PRKCB: variants seen among roughly 807,000 people sequenced by gnomAD.
PRKCB encodes protein kinase C beta, also known as protein kinase C beta type.
A neutral mutation model predicts 81.5 loss-of-function variants in PRKCB; 13 were observed. The observed-to-expected ratio is 0.16, with a 90% CI of 0.10 to 0.25. The LOEUF is 0.25. Ranked by LOEUF, PRKCB falls within the 10% of genes least tolerant of loss-of-function variation. The pLI is 1.00. For missense variants in PRKCB, 509 were observed against 875.7 expected (o/e 0.58, Z 5.29); for synonymous variants, 335 against 321.4 (o/e 1.04, Z -0.45).
chr16:24,147,165 G>C (rs1207256474), intron 9 of PRKCB, among the ~76,000 whole-genome samples: 1 of 151,892 alleles, frequency 6.6e-6, no homozygotes, highest in Admixed American at 6.6e-5. Context: ...AAAATTAGCC[G>C]GGCATCGTGG....
intron 2 of PRKCB, among the ~76,000 whole-genome samples, chr16:23,867,588 T>C (rs565142051): frequency 1.3e-5 from 2 of 152,388 alleles, no homozygotes; most frequent in East Asian, 3.9e-4. Flanking sequence ...TTGTTTGTGT[T>C]TGTGTTGTCT....
intron 3 of PRKCB, among the ~76,000 whole-genome samples, chr16:23,989,609 A>C (rs1203226651): frequency 6.6e-6 from 1 of 152,248 alleles, no homozygotes; most frequent in Non-Finnish European, 1.5e-5. Flanking sequence ...AGAATTTCCT[A>C]CCTAAGTAAA....
At chr16:23,974,012 T>A (rs1344205507) in intron 2 of PRKCB, among the ~76,000 whole-genome samples, 1 of 152,180 alleles carries the variant, frequency 6.6e-6, no homozygotes, top group Non-Finnish European at 1.5e-5. Flanking sequence ...TGATAGGAGT[T>A]AAACAAGAAT....
At chr16:23,879,128 A>C (rs1040762557) in intron 2 of PRKCB, among the ~76,000 whole-genome samples, 2 of 151,996 alleles carry the variant, frequency 1.3e-5, no homozygotes, top group African/African-American at 4.8e-5. Flanking sequence ...CAGTGAGCTG[A>C]GAGCGTGTCA....
intron 2 of PRKCB, among the ~76,000 whole-genome samples, chr16:23,840,582 G>A (rs535091917): frequency 1.3e-5 from 2 of 152,290 alleles, no homozygotes; most frequent in South Asian, 2.1e-4. Flanking sequence ...ATTTCAGGCA[G>A]CCACTATTTA....
chr16:24,168,407 C>T (rs371848288), intron 10 of PRKCB, among the ~76,000 whole-genome samples: 2 of 152,142 alleles, frequency 1.3e-5, no homozygotes, highest in East Asian at 1.9e-4. Context: ...TCACCTTTTA[C>T]GTTGTGACTC....
At chr16:24,162,713 C>T (rs894843042) in intron 10 of PRKCB, among the ~76,000 whole-genome samples, 4 of 152,020 alleles carry the variant, frequency 2.6e-5, no homozygotes, top group African/African-American at 9.7e-5. Context: ...CTCAGCCTCC[C>T]AAAGTGTTGG....
chr16:24,175,699 C>G (rs1967518569), intron 12 of PRKCB, among the ~76,000 whole-genome samples: 1 of 151,670 alleles, frequency 6.6e-6, no homozygotes. Flanking sequence ...GGGCTGGGCA[C>G]AGTAGCTAGC....
At chr16:23,959,621 G>A (rs1964396786) in intron 2 of PRKCB, among the ~76,000 whole-genome samples, 1 of 152,148 alleles carries the variant, frequency 6.6e-6, no homozygotes, top group Non-Finnish European at 1.5e-5. Flanking sequence ...GAATATTAGC[G>A]ATTATCTTTT....
intron 2 of PRKCB, among the ~76,000 whole-genome samples, chr16:23,847,227 A>G (rs1962384924): frequency 6.6e-6 from 1 of 152,158 alleles, no homozygotes; most frequent in African/African-American, 2.4e-5. Flanking sequence ...ATTGGGCTTG[A>G]GAGTTCAAGC....
At chr16:23,849,933 C>T (rs530991353) in intron 2 of PRKCB, among the ~76,000 whole-genome samples, 1 of 152,266 alleles carries the variant, frequency 6.6e-6, no homozygotes, top group South Asian at 2.1e-4. Flanking sequence ...ACCTATTCCC[C>T]TTGTCTATCT....
At position 24,216,148 on chromosome 16, in the gene PRKCB, G is replaced by A; in HGVS notation, c.*1332G>A. ...CTTGGCCCCAGTGTTCAGCCACTCG[G>A]AGGGGCGGGGGCTGTGGCCCATTCA... On this transcript the variant is annotated 3_prime_UTR_variant, in exon 17 of 17. Coordinates refer to ENST00000643927, the MANE Select transcript of PRKCB (RefSeq NM_002738.7). 1.0e-6 allele frequency: 1 copy of A among 985,510 alleles called. No homozygotes were observed. The highest frequency in any genetic ancestry group is 1.2e-6 in the Non-Finnish European group (1 of 830,010). 61.0% of individuals were successfully genotyped at this position (985,510 alleles called of 1,614,324 possible). A position where few individuals can be genotyped will look rare whatever the true frequency, so the allele number is the denominator to read the frequency against.
chr16:23,841,184 A>T (rs897607343), intron 2 of PRKCB, among the ~76,000 whole-genome samples: 1 of 151,898 alleles, frequency 6.6e-6, no homozygotes, highest in Non-Finnish European at 1.5e-5. Context: ...GGCTCAAGCG[A>T]TTCTTCTGCC....
chr16:23,853,438 C>A (rs1962507521), intron 2 of PRKCB, among the ~76,000 whole-genome samples: 1 of 152,196 alleles, frequency 6.6e-6, no homozygotes, highest in Admixed American at 6.5e-5. Context: ...ATCACTTCTG[C>A]TCACATTCTA....
chr16:23,921,896 G>A (rs968009498), intron 2 of PRKCB, among the ~76,000 whole-genome samples: 3 of 152,174 alleles, frequency 2.0e-5, no homozygotes, highest in Admixed American at 2.0e-4. Context: ...ATCAAGGCAG[G>A]CCTCACAAGA....
chr16:24,004,865 C>T (rs1400923712), intron 3 of PRKCB, among the ~76,000 whole-genome samples: 1 of 152,102 alleles, frequency 6.6e-6, no homozygotes, highest in Admixed American at 6.5e-5. Flanking sequence ...TGGTAAGAAA[C>T]CATTTCAGGA....
intron 2 of PRKCB, among the ~76,000 whole-genome samples, chr16:23,889,944 G>C (rs971293315): frequency 6.6e-6 from 1 of 151,402 alleles, no homozygotes; most frequent in Non-Finnish European, 1.5e-5. Flanking sequence ...ATATTTTTTG[G>C]AGTTTCCTCC....
chr16:23,968,536 G>A (rs1049616638), intron 2 of PRKCB, among the ~76,000 whole-genome samples: 3 of 152,160 alleles, frequency 2.0e-5, no homozygotes, highest in South Asian at 2.1e-4. Flanking sequence ...GGGAGGAAGA[G>A]GGGGAAGAAA....
intron 5 of PRKCB, among the ~76,000 whole-genome samples, chr16:24,047,756 A>C (rs1965786201): frequency 6.6e-6 from 1 of 152,228 alleles, no homozygotes; most frequent in Non-Finnish European, 1.5e-5. Context: ...GGTAGTTCTC[A>C]TAGTCTTATC....
Sources: allele counts gnomAD v4.1 joint callset (sites outside exome capture counted in the v4.1 genomes callset), GRCh38; gene constraint gnomAD v4.1.1; transcripts MANE v1.5; gene names NCBI Gene and HGNC (gene_info 2026-07-23, HGNC 2026-07-21).